The following CADM2 variants were observed in gnomAD, a reference collection of about 807,000 sequenced individuals.
The protein encoded by CADM2 is immunoglobulin superfamily member 4D.
Under a neutral mutation model 49.8 loss-of-function variants are expected in CADM2, and 12 were observed. The ratio of observed to expected loss-of-function variants is 0.24; its 90% confidence interval spans 0.15 to 0.39. CADM2 has a LOEUF of 0.39. Among genes scored for constraint, CADM2 ranks in the 10% least tolerant of loss-of-function variants. The pLI is 1.00. For synonymous variants in CADM2, 214 were observed against 175.4 expected (o/e 1.22, Z -1.74); for missense variants, 378 against 492.3 (o/e 0.77, Z 2.20).
chr3:85,186,463 T>A (rs1360738245), intron 1 of CADM2, among the ~76,000 whole-genome samples: 2 of 152,192 alleles, frequency 1.3e-5, no homozygotes, highest in Non-Finnish European at 2.9e-5. Flanking sequence ...AACTTGTAGA[T>A]ACATTTTAAC....
At chr3:85,827,757 A>G (rs2073987782) in intron 3 of CADM2, among the ~76,000 whole-genome samples, 1 of 151,868 alleles carries the variant, frequency 6.6e-6, no homozygotes, top group Non-Finnish European at 1.5e-5. Context: ...ATTTTTCCCA[A>G]ATGTATTGTT....
At chr3:85,918,200 G>A (rs919287379) in intron 6 of CADM2, among the ~76,000 whole-genome samples, 12 of 152,176 alleles carry the variant, frequency 7.9e-5, no homozygotes, top group African/African-American at 2.2e-4. Flanking sequence ...GTTGAATAGG[G>A]GTGGTGAGAG....
At position 85,057,522 on chromosome 3, in the gene CADM2, A is replaced by G. The variant is rs188861655; in HGVS notation, c.61+97854A>G. On this transcript the variant is annotated intron_variant, in intron 1 of 9. Coordinates refer to ENST00000383699, the MANE Select transcript of CADM2 (RefSeq NM_001167675.2). ...GATGTTAGTTACTAACTTTGATGTT[A>G]GTTACTATTTAAATATAGAATCTGT... 2.4e-3 allele frequency among the ~76,000 whole-genome samples: 366 copies of G among 152,276 alleles called. 2 individuals are homozygous for G. Among genetic ancestry groups the G allele is most frequent in the Non-Finnish European group, 4.0e-3 (275 of 67,994 alleles).
chr3:85,912,674 A>G (rs1467727931), intron 6 of CADM2, 131 bp downstream of exon 6: 7 of 803,316 alleles, frequency 8.7e-6, no homozygotes, highest in South Asian at 1.8e-5. Flanking sequence ...AAGTAAAACT[A>G]CATTCACTAG....
At chr3:85,228,240 C>T (rs754591098) in intron 1 of CADM2, among the ~76,000 whole-genome samples, 1 of 152,090 alleles carries the variant, frequency 6.6e-6, no homozygotes, top group African/African-American at 2.4e-5. Context: ...GTGCCATTCT[C>T]CCCGTCACTT....
chr3:85,268,361 T>C (rs2043165645), intron 1 of CADM2, among the ~76,000 whole-genome samples: 2 of 151,466 alleles, frequency 1.3e-5, no homozygotes, highest in Non-Finnish European at 3.0e-5. Context: ...GTGTGGCATA[T>C]TTGTGACATT....
At chr3:85,071,217 A>G (rs1288791302) in intron 1 of CADM2, among the ~76,000 whole-genome samples, 2 of 152,010 alleles carry the variant, frequency 1.3e-5, no homozygotes, top group Non-Finnish European at 2.9e-5. Context: ...GAGGGAAAGA[A>G]GGGAAGACAG....
At chr3:85,693,748 T>G (rs1577099746) in intron 1 of CADM2, among the ~76,000 whole-genome samples, 1 of 99,726 alleles carries the variant, frequency 1.0e-5, no homozygotes, top group African/African-American at 5.0e-5. Context: ...AAAAAAAAAT[T>G]AGCCAGGTGT....
intron 1 of CADM2, among the ~76,000 whole-genome samples, chr3:85,442,656 G>A (rs371205550): frequency 2.9e-5 from 4 of 139,566 alleles, no homozygotes; most frequent in East Asian, 2.0e-4. Context: ...CAGCTAAGAG[G>A]CCAGATTTCA....
At chr3:85,043,571 C>T (rs1050135251) in intron 1 of CADM2, among the ~76,000 whole-genome samples, 2 of 152,004 alleles carry the variant, frequency 1.3e-5, no homozygotes, top group African/African-American at 4.8e-5. Flanking sequence ...CCTAGCTACT[C>T]AGGAGGCTGA....
At chr3:85,203,399 A>G (rs1213509451) in intron 1 of CADM2, among the ~76,000 whole-genome samples, 2 of 152,124 alleles carry the variant, frequency 1.3e-5, no homozygotes, top group Non-Finnish European at 2.9e-5. Context: ...AGAGAGAAAG[A>G]AAGTGTCAAG....
At chr3:85,367,833 ATGTGTGTG>A (rs10547677) in intron 1 of CADM2, among the ~76,000 whole-genome samples, 16 of 148,006 alleles carry the variant, frequency 1.1e-4, no homozygotes, top group Non-Finnish European at 2.1e-4. Flanking sequence ...ATACATATAT[ATGTGTGTG>A]TGTGTGTGTG....
chr3:85,759,002 GATA>G (rs990361963), intron 2 of CADM2, among the ~76,000 whole-genome samples: 28 of 152,074 alleles, frequency 1.8e-4, no homozygotes, highest in African/African-American at 6.5e-4. Context: ...AAGTCCAAAT[GATA>G]ATAAGAAATA....
intron 1 of CADM2, among the ~76,000 whole-genome samples, chr3:85,154,608 G>T (rs1033622474): frequency 2.6e-5 from 4 of 151,346 alleles, no homozygotes; most frequent in Non-Finnish European, 4.4e-5. Flanking sequence ...GATACTCCTC[G>T]AGAAGAGCAA....
intron 1 of CADM2, among the ~76,000 whole-genome samples, chr3:85,090,569 C>G (rs865891647): frequency 5.3e-5 from 8 of 152,140 alleles, no homozygotes; most frequent in African/African-American, 9.7e-5. Context: ...TCAAACCTAG[C>G]AATTTCTGTG....
intron 8 of CADM2, among the ~76,000 whole-genome samples, chr3:86,030,733 C>G (rs1435971377): frequency 1.3e-5 from 2 of 151,822 alleles, no homozygotes. Flanking sequence ...AACTGTGAAT[C>G]TAGCACAAGG....
At chr3:86,001,268 T>C (rs772937060) in intron 8 of CADM2, among the ~76,000 whole-genome samples, 17 of 152,092 alleles carry the variant, frequency 1.1e-4, no homozygotes, top group African/African-American at 3.9e-4. Flanking sequence ...GAAAATTTAA[T>C]ATTGAGTGAA....
At chr3:85,763,009 C>G (rs2069467471) in intron 2 of CADM2, among the ~76,000 whole-genome samples, 2 of 151,978 alleles carry the variant, frequency 1.3e-5, no homozygotes, top group Non-Finnish European at 2.9e-5. Context: ...CTCATTATTA[C>G]AACAAAGCTA....
rs1739798177 is a variant in CADM2 at position 86,070,821 on chromosome 3, T to C, written c.*4038T>C. On this transcript the variant is annotated 3_prime_UTR_variant, in exon 10 of 10. Coordinates refer to ENST00000383699, the MANE Select transcript of CADM2 (RefSeq NM_001167675.2). ...TGGATGTTGGAAACCCATGTAATTA[T>C]AATATGCATTTTGAATATTGGGAAA... 6.6e-6 allele frequency: 1 copy of C among 152,056 alleles called. No individual in the cohort carries two copies. Among genetic ancestry groups the C allele is most frequent in the African/African-American group, 2.4e-5 (1 of 41,552 alleles). The allele number at this position is 152,056 out of a possible 1,614,324, so 9.4% of individuals were successfully genotyped here. A position where few individuals can be genotyped will look rare whatever the true frequency, so the allele number is the denominator to read the frequency against.
Sources: allele counts gnomAD v4.1 joint callset (sites outside exome capture counted in the v4.1 genomes callset), GRCh38; gene constraint gnomAD v4.1.1; transcripts MANE v1.5; gene names NCBI Gene and HGNC (gene_info 2026-07-23, HGNC 2026-07-21).